The following TENM3 variants were observed in gnomAD, a reference collection of about 807,000 sequenced individuals.
TENM3 encodes the protein teneurin transmembrane protein 3.
Under a neutral mutation model 255.1 loss-of-function variants are expected in TENM3, and 63 were observed. The observed-to-expected ratio is 0.25, with a 90% confidence interval of 0.20 to 0.30. The LOEUF is 0.30. Among genes scored for constraint, TENM3 ranks in the 10% least tolerant of loss-of-function variants. The pLI is 1.00. For missense variants in TENM3, 2,929 were observed against 3,461.1 expected (o/e 0.85, Z 3.86); for synonymous variants, 1,306 against 1,322.3 (o/e 0.99, Z 0.27).
the TENM3 span, among the ~76,000 whole-genome samples, chr4:181,921,051 T>C: frequency 9.2e-5 from 14 of 152,278 alleles, no homozygotes; most frequent in Admixed American, 2.6e-4. Context: ...TGTAGATATT[T>C]GGCGTTATTT....
chr4:182,242,298 A>C (rs1402049073), upstream of TENM3, among the ~76,000 whole-genome samples: 3 of 151,992 alleles, frequency 2.0e-5, no homozygotes, highest in Non-Finnish European at 4.4e-5. Context: ...TATGAGTGAG[A>C]ACATGCGGTG....
the TENM3 span, among the ~76,000 whole-genome samples, chr4:181,750,873 A>G: frequency 7.0e-4 from 107 of 152,294 alleles, 1 homozygote; most frequent in East Asian, 0.016. Flanking sequence ...GACAGGAGTG[A>G]TTGAAGAGCA....
the TENM3 span, among the ~76,000 whole-genome samples, chr4:181,818,112 T>TAG: frequency 6.6e-6 from 1 of 152,238 alleles, no homozygotes; most frequent in Non-Finnish European, 1.5e-5. Flanking sequence ...GTACTACTCT[T>TAG]CTGGGATTGA....
the TENM3 span, among the ~76,000 whole-genome samples, chr4:181,970,342 T>A: frequency 6.6e-6 from 1 of 152,212 alleles, no homozygotes; most frequent in Admixed American, 6.5e-5. Context: ...ATTAAAAGGC[T>A]ACAGAGCAGT....
the TENM3 span, among the ~76,000 whole-genome samples, chr4:181,989,756 C>T: frequency 6.6e-6 from 1 of 152,024 alleles, no homozygotes; most frequent in Non-Finnish European, 1.5e-5. Context: ...TATTAACTGG[C>T]CAAAATGTTC....
intron 19 of TENM3, among the ~76,000 whole-genome samples, chr4:182,747,105 C>G (rs554310947): frequency 6.6e-6 from 1 of 152,168 alleles, no homozygotes; most frequent in South Asian, 2.1e-4. Context: ...TCATGAGAGG[C>G]TTAGGAACAG....
At chr4:182,115,541 A>G in the TENM3 span, among the ~76,000 whole-genome samples, 1 of 152,198 alleles carries the variant, frequency 6.6e-6, no homozygotes, top group African/African-American at 2.4e-5. Flanking sequence ...GCTTTTCCCA[A>G]GGCAGGGAAT....
the TENM3 span, among the ~76,000 whole-genome samples, chr4:181,546,657 C>T: frequency 0.026 from 3,306 of 127,620 alleles, 64 homozygotes; most frequent in South Asian, 0.061. Context: ...GAGCTTGCAG[C>T]GAGCCGAGAT....
At chr4:182,394,026 G>A (rs1264132654) in intron 3 of TENM3, among the ~76,000 whole-genome samples, 1 of 152,122 alleles carries the variant, frequency 6.6e-6, no homozygotes, top group Non-Finnish European at 1.5e-5. Context: ...AAGAGTTTGT[G>A]GGGAGCACGT....
the TENM3 span, among the ~76,000 whole-genome samples, chr4:182,001,859 T>C: frequency 6.6e-6 from 1 of 152,238 alleles, no homozygotes; most frequent in East Asian, 1.9e-4. Flanking sequence ...AAGGTATTTC[T>C]AAAATGAAGA....
chr4:182,448,122 A>G (rs540225718), intron 3 of TENM3, among the ~76,000 whole-genome samples: 2 of 152,266 alleles, frequency 1.3e-5, no homozygotes, highest in African/African-American at 2.4e-5. Flanking sequence ...AGCCCCTGGT[A>G]CCGTCTTCTC....
intron 3 of TENM3, among the ~76,000 whole-genome samples, chr4:182,354,876 T>C (rs1765418994): frequency 6.6e-6 from 1 of 152,230 alleles, no homozygotes; most frequent in Non-Finnish European, 1.5e-5. Flanking sequence ...GGGTAACTTA[T>C]TGAATAGATT....
At chr4:181,795,039 G>A in the TENM3 span, among the ~76,000 whole-genome samples, 2 of 152,120 alleles carry the variant, frequency 1.3e-5, no homozygotes. Context: ...ACAATCCCTT[G>A]TATAGTTGGC....
intron 5 of TENM3, among the ~76,000 whole-genome samples, chr4:182,632,979 G>T (rs1343663512): frequency 6.6e-6 from 1 of 151,940 alleles, no homozygotes; most frequent in Non-Finnish European, 1.5e-5. Context: ...TCACAGGCTG[G>T]AGTGCAACGA....
intron 6 of TENM3, among the ~76,000 whole-genome samples, chr4:182,656,736 T>C (rs941170806): frequency 6.6e-6 from 1 of 152,230 alleles, no homozygotes; most frequent in African/African-American, 2.4e-5. Context: ...TGCAGTCCTA[T>C]TTTACTCTTA....
At chr4:181,757,010 G>A in the TENM3 span, among the ~76,000 whole-genome samples, 1 of 152,308 alleles carries the variant, frequency 6.6e-6, no homozygotes, top group East Asian at 1.9e-4. Context: ...CTGTCTGTGT[G>A]TGAAATCTAG....
At chr4:182,426,007 C>CAAAAAAAAAATAAAAAAAA (rs1771185152) in intron 3 of TENM3, among the ~76,000 whole-genome samples, 1 of 90,762 alleles carries the variant, frequency 1.1e-5, no homozygotes, top group Non-Finnish European at 2.2e-5. Flanking sequence ...GAGTCCATGT[C>CAAAAAAAAAATAAAAAAAA]AAAAAAAAAA....
At chr4:182,390,571 A>G (rs1768355882) in intron 3 of TENM3, among the ~76,000 whole-genome samples, 1 of 152,148 alleles carries the variant, frequency 6.6e-6, no homozygotes, top group Non-Finnish European at 1.5e-5. Flanking sequence ...GAATGACAGT[A>G]AAATGTGGTT....
chr4:182,326,974 G>A (rs75083889), intron 2 of TENM3, among the ~76,000 whole-genome samples: 7 of 152,314 alleles, frequency 4.6e-5, no homozygotes, highest in East Asian at 3.9e-4. Context: ...TGAGGGTGGC[G>A]TTGCGGATGC....
Sources: gnomAD v4.1 joint callset for allele counts (sites outside exome capture counted in the v4.1 genomes callset) on GRCh38, gnomAD v4.1.1 for gene constraint, MANE v1.5 for transcripts, NCBI Gene and HGNC (gene_info 2026-07-23, HGNC 2026-07-21) for gene names.